Variants in UBA3 observed in about 807,000 individuals in gnomAD.
UBA3 encodes ubiquitin like modifier activating enzyme 3, also known as NEDD8-activating enzyme E1 catalytic subunit.
Under a neutral mutation model 73.5 loss-of-function variants are expected in UBA3, and 26 were observed. That is an observed-to-expected ratio of 0.35 (90% CI 0.26 to 0.49). The LOEUF is 0.49. Ranked by LOEUF, UBA3 falls within the 20% of genes least tolerant of loss-of-function variation. The pLI, the probability that UBA3 is intolerant of heterozygous loss-of-function variation, is 0.98. For synonymous variants in UBA3, 217 were observed against 191.2 expected (o/e 1.13, Z -1.11); for missense variants, 495 against 555.6 (o/e 0.89, Z 1.10).
chr3:69,078,420 C>T (rs936031457), intron 2 of UBA3, among the ~76,000 whole-genome samples: 3 of 152,208 alleles, frequency 2.0e-5, no homozygotes, highest in Non-Finnish European at 4.4e-5. Flanking sequence ...CTAAAAATCA[C>T]TTTGATGAGA....
Position 69,056,577 on chromosome 3 carries a change from T to A in UBA3, c.1083+35A>T. ...CCAATAATATTTAAAAATCAAAATA[T>A]GCATGATCAAAAATGTGTTCTTAAT... On this transcript the variant is annotated intron_variant, in intron 14 of 17. Coordinates refer to ENST00000361055, the MANE Select transcript of UBA3 (RefSeq NM_003968.4). The A allele has an allele frequency of 5.9e-6, 9 of 1,526,962 alleles. No homozygotes were observed. In the African/African-American group the frequency reaches 6.9e-5, roughly 12 times the overall value. 94.6% of individuals were successfully genotyped at this position (1,526,962 alleles called of 1,614,324 possible).
At chr3:69,067,552 T>C (rs1363211096) in intron 6 of UBA3, among the ~76,000 whole-genome samples, 1 of 152,186 alleles carries the variant, frequency 6.6e-6, no homozygotes, top group African/African-American at 2.4e-5. Context: ...TGGCTAATAC[T>C]ATATTGACTG....
chr3:69,069,599 T>TC (rs1442033739), intron 5 of UBA3, among the ~76,000 whole-genome samples: 1 of 152,208 alleles, frequency 6.6e-6, no homozygotes, highest in African/African-American at 2.4e-5. Context: ...TGTGCTGTGA[T>TC]TACAGGCATG....
chr3:69,062,036 G>T, intron 10 of UBA3, 41 bp downstream of exon 10: 2 of 1,460,066 alleles, frequency 1.4e-6, no homozygotes, highest in Non-Finnish European at 1.9e-6. Flanking sequence ...GAAAAAATAT[G>T]TATTTTATGT....
At chr3:69,058,361 C>T (rs977485685) in intron 11 of UBA3, among the ~76,000 whole-genome samples, 1 of 152,162 alleles carries the variant, frequency 6.6e-6, no homozygotes, top group Non-Finnish European at 1.5e-5. Context: ...GCCATTTTAT[C>T]TCACAGTGTG....
rs529804988 is a variant in UBA3, at chr3:69,073,954, T to G, written c.264+1476A>C. On this transcript the variant is annotated intron_variant, in intron 4 of 17. Transcript: ENST00000361055. ...CACCATGCCCAGTCTAGTATCATAT[T>G]CTTTTTTGTTAGAATGAGCCTTTAG... Among the ~76,000 whole-genome samples, 5 of 152,292 alleles carry G rather than the reference T, an allele frequency of 3.3e-5. No homozygotes were observed. The South Asian group carries it at 1.0e-3, about 32-fold the overall frequency.
At position 69,063,049 on chromosome 3, in the gene UBA3, T is replaced by C. The variant is rs547884414; in HGVS notation, c.626A>G (p.Asn209Ser). 6.2e-7 allele frequency: 1 copy of C among 1,614,104 alleles called. No individual in the cohort carries two copies. Among genetic ancestry groups the C allele is most frequent in the South Asian group, 1.1e-5 (1 of 91,084 alleles). The change falls in exon 9 of 18, where the codon AAT (asparagine) becomes AGT (serine). Residue 209 changes from asparagine (N) to serine (S), a missense_variant. By Grantham distance (46) the Asn-to-Ser change is conservative. Transcript: ENST00000361055. ...CATTCCAGGCAGAATCACCCGGGCA[T>C]TTCCTTTAAAACCTTCTGTCCCCCC... is the stretch of plus-strand genomic sequence containing the variant. The part of the protein sequence containing the change: ...IDGGTEGFKG[N>S]ARVILPGMTA...
intron 6 of UBA3, among the ~76,000 whole-genome samples, chr3:69,065,414 T>C (rs543051102): frequency 6.6e-6 from 1 of 152,270 alleles, no homozygotes; most frequent in African/African-American, 2.4e-5. Context: ...AACAGAACAT[T>C]GGTACAATGT....
At chr3:69,070,402 C>T (rs1324441561) in intron 5 of UBA3, among the ~76,000 whole-genome samples, 1 of 152,168 alleles carries the variant, frequency 6.6e-6, no homozygotes, top group Non-Finnish European at 1.5e-5. Context: ...TATCCAAAAA[C>T]TTAATGTTAC....
intron 3 of UBA3, among the ~76,000 whole-genome samples, chr3:69,075,735 T>C (rs1468129332): frequency 6.6e-6 from 1 of 151,978 alleles, no homozygotes; most frequent in Non-Finnish European, 1.5e-5. Context: ...TTTTTCTTTT[T>C]TTTTTCTTTT....
At chr3:69,055,699 A>AT (rs2091966753) in intron 17 of UBA3, 152 bp downstream of exon 17, 10 of 866,550 alleles carry the variant, frequency 1.2e-5, no homozygotes, top group Non-Finnish European at 1.8e-5. Context: ...CTAAAAGAGC[A>AT]ATTAATTCTA....
In UBA3 at chr3:69,077,767, G is replaced by C. The variant is rs768926381; in HGVS notation, c.183+31C>G. Reference sequence around the variant, plus strand: ...TTAGTTTTGAAACATAAAACTATTAGAGCAGTTATTTAAAAATAAACGTTT... The same window carrying C: ...TTAGTTTTGAAACATAAAACTATTACAGCAGTTATTTAAAAATAAACGTTT... On this transcript the variant is annotated intron_variant, in intron 3 of 17. Coordinates refer to ENST00000361055, the MANE Select transcript of UBA3 (RefSeq NM_003968.4). The C allele has an allele frequency of 2.5e-6, 4 of 1,590,268 alleles. No individual in the cohort carries two copies. The Admixed American group carries it at 7.0e-5, about 28-fold the overall frequency.
chr3:69,066,501 T>C (rs148493196), intron 6 of UBA3, among the ~76,000 whole-genome samples: 522 of 152,156 alleles, frequency 3.4e-3, no homozygotes, highest in African/African-American at 0.012. Context: ...TGGGGTGCAG[T>C]AGCGCAATTT....
intron 11 of UBA3, among the ~76,000 whole-genome samples, chr3:69,061,249 C>T (rs1451087276): frequency 3.3e-5 from 5 of 152,244 alleles, no homozygotes; most frequent in African/African-American, 1.2e-4. Flanking sequence ...GGCTGGAAAG[C>T]AGTGGCGCAA....
intron 4 of UBA3, among the ~76,000 whole-genome samples, chr3:69,073,143 G>A (rs1474087028): frequency 2.0e-5 from 3 of 152,102 alleles, no homozygotes; most frequent in African/African-American, 7.2e-5. Context: ...GTCTCTCATT[G>A]CATAAATCTC....
At chr3:69,056,878 T>G (rs1162183544) in intron 12 of UBA3, 63 bp from the exon 13 acceptor site, 1 of 1,539,766 alleles carries the variant, frequency 6.5e-7, no homozygotes. Flanking sequence ...TAAAAGTCAG[T>G]TATAAATCAG....
At chr3:69,063,331 A>C (rs1445278710) in intron 8 of UBA3, 108 bp downstream of exon 8, 1 of 1,294,078 alleles carries the variant, frequency 7.7e-7, no homozygotes, top group African/African-American at 1.5e-5. Context: ...AATATACTTA[A>C]TTAAAAATTA....
At chr3:69,079,686 T>A in intron 2 of UBA3, 1 of 187,502 alleles carries the variant, frequency 5.3e-6, no homozygotes, top group Non-Finnish European at 1.1e-5. Flanking sequence ...GAGTTATCAT[T>A]AAAAGTTTGC....
At chr3:69,058,239 A>T (rs1206858422) in intron 11 of UBA3, among the ~76,000 whole-genome samples, 1 of 152,222 alleles carries the variant, frequency 6.6e-6, no homozygotes, top group Non-Finnish European at 1.5e-5. Flanking sequence ...ACATATTAGG[A>T]ATAAACAAAG....
Sources: gnomAD v4.1 joint callset for allele counts (sites outside exome capture counted in the v4.1 genomes callset) on GRCh38, gnomAD v4.1.1 for gene constraint, MANE v1.5 for transcripts, NCBI Gene and HGNC (gene_info 2026-07-23, HGNC 2026-07-21) for gene names.